The following HNRNPC variants were observed in gnomAD, a reference collection of about 807,000 sequenced individuals.
HNRNPC encodes heterogeneous nuclear ribonucleoprotein C.
HNRNPC carries 3 observed loss-of-function variants against 33.2 expected under a neutral mutation model. The observed-to-expected ratio is 0.09, with a 90% CI of 0.04 to 0.23. The LOEUF is 0.23. HNRNPC is among the 10% of genes least tolerant of loss of function. The pLI is 1.00. For missense variants in HNRNPC, 143 were observed against 366.7 expected (o/e 0.39, Z 4.98); for synonymous variants, 121 against 126.7 (o/e 0.96, Z 0.30).
At chr14:21,227,760 G>A (rs1893643320) in intron 5 of HNRNPC, among the ~76,000 whole-genome samples, 1 of 152,106 alleles carries the variant, frequency 6.6e-6, no homozygotes, top group Non-Finnish European at 1.5e-5. Context: ...GCCAAGAAAA[G>A]ACTTTTTAAT....
At chr14:21,260,916 T>C (rs1878123930) in intron 2 of HNRNPC, among the ~76,000 whole-genome samples, 1 of 137,660 alleles carries the variant, frequency 7.3e-6, no homozygotes, top group East Asian at 2.1e-4. Context: ...TGACCCAAGA[T>C]GGCACCACTG....
At chr14:21,227,660 TTTCTCTGCAGTATATA>T (rs1479942216) in intron 5 of HNRNPC, among the ~76,000 whole-genome samples, 3 of 152,236 alleles carry the variant, frequency 2.0e-5, no homozygotes, top group Non-Finnish European at 2.9e-5. Context: ...TTTCTTTAGA[TTTCTCTGCAGTATATA>T]TCTCATTGTC....
chr14:21,248,798 G>A (rs1008792498), intron 2 of HNRNPC, among the ~76,000 whole-genome samples: 2 of 152,038 alleles, frequency 1.3e-5, no homozygotes, highest in African/African-American at 4.8e-5. Flanking sequence ...CCAGAAAACG[G>A]GATCATTACA....
At chr14:21,258,686 T>G (rs1298234440) in intron 2 of HNRNPC, among the ~76,000 whole-genome samples, 1 of 152,216 alleles carries the variant, frequency 6.6e-6, no homozygotes, top group Non-Finnish European at 1.5e-5. Context: ...GTCCTGCTAC[T>G]TTTTTCTGCC....
At chr14:21,240,375 G>T (rs1895204685) in intron 2 of HNRNPC, among the ~76,000 whole-genome samples, 1 of 152,086 alleles carries the variant, frequency 6.6e-6, no homozygotes, top group South Asian at 2.1e-4. Context: ...ACCAATCTTG[G>T]ATTGTCAATC....
At chr14:21,226,902 G>C (rs768769343) in intron 5 of HNRNPC, among the ~76,000 whole-genome samples, 1 of 134,472 alleles carries the variant, frequency 7.4e-6, no homozygotes, top group African/African-American at 2.7e-5. Flanking sequence ...AAAAGGGGGG[G>C]GGGGGACAGT....
intron 3 of HNRNPC, 111 bp from the exon 4 acceptor site, chr14:21,231,183 G>T: frequency 9.9e-7 from 1 of 1,014,608 alleles, no homozygotes; most frequent in Non-Finnish European, 1.5e-6. Context: ...CGCTCAGGCT[G>T]GAGTGCAGTG....
chr14:21,262,322 T>C (rs928089194), intron 2 of HNRNPC, among the ~76,000 whole-genome samples: 2 of 152,388 alleles, frequency 1.3e-5, no homozygotes, highest in South Asian at 2.1e-4. Context: ...ATATGTTTTC[T>C]TGTTGCTAAT....
chr14:21,225,288 G>T (rs565124901), intron 5 of HNRNPC, among the ~76,000 whole-genome samples: 3 of 151,814 alleles, frequency 2.0e-5, no homozygotes, highest in Non-Finnish European at 2.9e-5. Context: ...AATTAGCCAC[G>T]CATGGTGGCA....
intron 2 of HNRNPC, among the ~76,000 whole-genome samples, chr14:21,241,097 T>A (rs1388793793): frequency 1.3e-5 from 2 of 151,972 alleles, no homozygotes; most frequent in Admixed American, 6.6e-5. Flanking sequence ...GGTGAAACCC[T>A]GTCTCTACTA....
At chr14:21,217,761 A>AG (rs1217761307) in intron 5 of HNRNPC, among the ~76,000 whole-genome samples, 1 of 152,224 alleles carries the variant, frequency 6.6e-6, no homozygotes, top group Non-Finnish European at 1.5e-5. Context: ...GGCTCCACGA[A>AG]GAAAAAATAC....
chr14:21,212,842 G>T, intron 6 of HNRNPC, 118 bp downstream of exon 6: 1 of 1,304,506 alleles, frequency 7.7e-7, no homozygotes, highest in Non-Finnish European at 1.1e-6. Context: ...CACACACCCA[G>T]CCTCTTCCAT....
chr14:21,213,463 G>A, intron 5 of HNRNPC: 2 of 194,890 alleles, frequency 1.0e-5, no homozygotes, highest in East Asian at 1.3e-4. Context: ...AATAGCCTTT[G>A]GATCTTATTA....
At chr14:21,230,536 G>A in intron 4 of HNRNPC, 170 bp from the exon 5 acceptor site, 1 of 574,458 alleles carries the variant, frequency 1.7e-6, no homozygotes, top group South Asian at 2.3e-5. Flanking sequence ...AATCACCTTA[G>A]ACCACTGGAA....
At chr14:21,219,437 A>C (rs1484988970) in intron 5 of HNRNPC, among the ~76,000 whole-genome samples, 1 of 152,170 alleles carries the variant, frequency 6.6e-6, no homozygotes, top group Non-Finnish European at 1.5e-5. Flanking sequence ...AATCTGTGTA[A>C]GATTTCTGCC....
At chr14:21,213,718 T>TA (rs1891863849) in intron 5 of HNRNPC, among the ~76,000 whole-genome samples, 1 of 152,176 alleles carries the variant, frequency 6.6e-6, no homozygotes, top group Non-Finnish European at 1.5e-5. Context: ...GTTGGCTGGG[T>TA]ATAAATACTA....
intron 2 of HNRNPC, among the ~76,000 whole-genome samples, chr14:21,247,976 G>A (rs1896188034): frequency 6.6e-6 from 1 of 150,408 alleles, no homozygotes. Flanking sequence ...CGGCGATGCA[G>A]TAAGATTACA....
chr14:21,209,385 AAT>A lies in HNRNPC; in HGVS notation c.*1836_*1837del, dbSNP rs1891402120. ...TTCCCAAAAACTTACAGCTAACAAT[AAT>A]ATTAAACAGGTTTTATTAGCATCTT... On this transcript the variant is annotated 3_prime_UTR_variant, in exon 9 of 9. Transcript: ENST00000553300. 1 of 152,218 alleles carries A rather than the reference AAT, an allele frequency of 6.6e-6. No homozygotes were observed. Among genetic ancestry groups the A allele is most frequent in the South Asian group, 2.1e-4 (1 of 4,832 alleles). The allele number at this position is 152,218 out of a possible 1,614,324, so 9.4% of individuals were successfully genotyped here.
chr14:21,216,808 AAACTT>A (rs1321601529), intron 5 of HNRNPC, among the ~76,000 whole-genome samples: 1 of 152,230 alleles, frequency 6.6e-6, no homozygotes. Context: ...CATCTGCCTC[AAACTT>A]AACTATGTAG....
Sources: gnomAD v4.1 joint callset for allele counts (sites outside exome capture counted in the v4.1 genomes callset) on GRCh38, gnomAD v4.1.1 for gene constraint, MANE v1.5 for transcripts, NCBI Gene and HGNC (gene_info 2026-07-23, HGNC 2026-07-21) for gene names.